UNC13C: variants seen among roughly 807,000 people sequenced by gnomAD.
UNC13C encodes protein unc-13 homolog C.
Under a neutral mutation model 245.4 loss-of-function variants are expected in UNC13C, and 174 were observed. The observed-to-expected ratio is 0.71, with a 90% CI of 0.63 to 0.80. The LOEUF (loss-of-function observed/expected upper bound fraction) is 0.80. Among genes scored for constraint, UNC13C ranks in the 30% least tolerant of loss-of-function variants. The pLI, the probability that UNC13C is intolerant of heterozygous loss-of-function variation, is 0.00. For synonymous variants in UNC13C, 992 were observed against 895.1 expected, an observed-to-expected ratio of 1.11 and a Z score of -1.93; for missense variants, 2,829 against 2,602.9, an observed-to-expected ratio of 1.09 and a Z score of -1.89.
the UNC13C span, among the ~76,000 whole-genome samples, chr15:53,919,043 T>C: frequency 2.2e-3 from 328 of 152,348 alleles, 1 homozygote; most frequent in African/African-American, 7.6e-3. Flanking sequence ...TTTAACAATA[T>C]AGGATTGAAC....
intron 2 of UNC13C, among the ~76,000 whole-genome samples, chr15:54,119,835 A>C (rs924834119): frequency 8.5e-5 from 13 of 152,206 alleles, no homozygotes; most frequent in Non-Finnish European, 1.5e-4. Context: ...TGGATAGATC[A>C]TATCAGCCAC....
intron 2 of UNC13C, among the ~76,000 whole-genome samples, chr15:54,128,717 C>G (rs2031214446): frequency 6.6e-6 from 1 of 152,136 alleles, no homozygotes; most frequent in African/African-American, 2.4e-5. Flanking sequence ...TTAGCCTGCC[C>G]CCACGGACAC....
chr15:53,921,037 C>A, the UNC13C span, among the ~76,000 whole-genome samples: 7 of 151,768 alleles, frequency 4.6e-5, no homozygotes, highest in South Asian at 6.3e-4. Context: ...AAGTAGGGTG[C>A]TAGGTGTTTT....
chr15:54,159,466 G>T (rs2032886264), intron 4 of UNC13C, among the ~76,000 whole-genome samples: 2 of 152,222 alleles, frequency 1.3e-5, no homozygotes, highest in South Asian at 4.1e-4. Flanking sequence ...ATTAGAGGAT[G>T]CAGATGCCTA....
At chr15:54,299,699 G>T (rs1264010853) in intron 12 of UNC13C, among the ~76,000 whole-genome samples, 2 of 152,056 alleles carry the variant, frequency 1.3e-5, no homozygotes, top group Non-Finnish European at 1.5e-5. Context: ...CATATTTTTT[G>T]ATGTAAGACA....
chr15:53,904,554 G>A, the UNC13C span, among the ~76,000 whole-genome samples: 3 of 152,038 alleles, frequency 2.0e-5, no homozygotes, highest in Non-Finnish European at 4.4e-5. Context: ...GGTCATGAGG[G>A]ATATCATCAT....
the UNC13C span, among the ~76,000 whole-genome samples, chr15:53,888,166 A>G: frequency 6.6e-6 from 1 of 152,196 alleles, no homozygotes; most frequent in Non-Finnish European, 1.5e-5. Flanking sequence ...TCACATTCCC[A>G]CCAACAGTGT....
chr15:54,413,688 C>T (rs1231475525), intron 18 of UNC13C, among the ~76,000 whole-genome samples: 2 of 152,120 alleles, frequency 1.3e-5, no homozygotes, highest in African/African-American at 4.8e-5. Flanking sequence ...TGATGCAACA[C>T]ACTCTAATTT....
intron 19 of UNC13C, among the ~76,000 whole-genome samples, chr15:54,494,050 C>T (rs1442237508): frequency 2.6e-5 from 4 of 151,980 alleles, no homozygotes; most frequent in African/African-American, 9.7e-5. Context: ...TATTTTAATG[C>T]TTTAGGGGGT....
chr15:54,574,119 C>G (rs576095522), intron 30 of UNC13C, among the ~76,000 whole-genome samples: 1 of 152,000 alleles, frequency 6.6e-6, no homozygotes, highest in African/African-American at 2.4e-5. Context: ...ACCACATAAC[C>G]CCCTATTTTA....
At chr15:54,088,057 A>C (rs1456530662) in intron 2 of UNC13C, among the ~76,000 whole-genome samples, 1 of 150,006 alleles carries the variant, frequency 6.7e-6, no homozygotes, top group Non-Finnish European at 1.5e-5. Flanking sequence ...AATCCTGAAT[A>C]TTATATATAT....
chr15:54,212,070 A>G (rs2034897186), intron 4 of UNC13C, among the ~76,000 whole-genome samples: 1 of 152,108 alleles, frequency 6.6e-6, no homozygotes, highest in South Asian at 2.1e-4. Context: ...GAACACTAAC[A>G]TATTTTGGGA....
intron 8 of UNC13C, among the ~76,000 whole-genome samples, chr15:54,260,352 G>A (rs1256116934): frequency 5.3e-5 from 8 of 152,066 alleles, no homozygotes; most frequent in Non-Finnish European, 1.2e-4. Flanking sequence ...GAGTTTAAAA[G>A]ACCTCTATTT....
intron 30 of UNC13C, among the ~76,000 whole-genome samples, chr15:54,611,800 TAC>T (rs1211151087): frequency 1.3e-5 from 2 of 152,144 alleles, no homozygotes; most frequent in Non-Finnish European, 1.5e-5. Flanking sequence ...CAATAGAAAA[TAC>T]AGAGTATAAA....
In UNC13C at chr15:54,532,875, A is replaced by T. The variant is rs906121366; in HGVS notation, c.5547-42A>T. On this transcript the variant is annotated intron_variant, in intron 25 of 32. Coordinates refer to ENST00000260323, the MANE Select transcript of UNC13C (RefSeq NM_001080534.3). ...GTGAAATTGGAACAGGCTCAGGCAA[A>T]ATGTATTCTTATATTTTAGAATTTA... The T allele has an allele frequency of 6.6e-6, 9 of 1,353,774 alleles. No homozygotes were observed. In the African/African-American group the frequency reaches 1.3e-4, roughly 20 times the overall value. 83.9% of individuals were successfully genotyped at this position (1,353,774 alleles called of 1,614,324 possible).
chr15:53,993,135 T>C (rs1894465146), intron 1 of UNC13C, among the ~76,000 whole-genome samples: 2 of 152,088 alleles, frequency 1.3e-5, no homozygotes, highest in Admixed American at 1.3e-4. Context: ...CTATCAATTT[T>C]CTTAGGTCAG....
At chr15:54,600,667 CCAAT>C (rs1403252326) in intron 30 of UNC13C, among the ~76,000 whole-genome samples, 2 of 152,002 alleles carry the variant, frequency 1.3e-5, no homozygotes, top group African/African-American at 2.4e-5. Flanking sequence ...ATTATTCTCA[CCAAT>C]CAGTGTTTGT....
chr15:54,438,683 C>T (rs1358689354), intron 19 of UNC13C, among the ~76,000 whole-genome samples: 2 of 151,892 alleles, frequency 1.3e-5, no homozygotes, highest in African/African-American at 4.8e-5. Flanking sequence ...CTGTGAGTTG[C>T]AATTAGTACC....
At chr15:54,506,255 T>C (rs1269725090) in intron 22 of UNC13C, among the ~76,000 whole-genome samples, 12 of 152,208 alleles carry the variant, frequency 7.9e-5, no homozygotes, top group Non-Finnish European at 5.9e-5. Context: ...CAATACAATA[T>C]AATAATTCTT....
Sources: gnomAD v4.1 joint callset for allele counts (sites outside exome capture counted in the v4.1 genomes callset) on GRCh38, gnomAD v4.1.1 for gene constraint, MANE v1.5 for transcripts, NCBI Gene and HGNC (gene_info 2026-07-23, HGNC 2026-07-21) for gene names.